DIAPH2: variants seen among roughly 807,000 people sequenced by gnomAD.
DIAPH2 encodes protein diaphanous homolog 2.
DIAPH2 carries 35 observed loss-of-function variants against 92.7 expected under a neutral mutation model. The ratio of observed to expected loss-of-function variants is 0.38; its 90% CI spans 0.29 to 0.50. The LOEUF is 0.50. DIAPH2 is among the 20% of genes least tolerant of loss of function. The probability of loss-of-function intolerance (pLI) is 0.94; values close to 1 mark genes in which losing one functional copy is unlikely to be tolerated. For missense variants in DIAPH2, 701 were observed against 819.5 expected, an observed-to-expected ratio of 0.86 and a Z score of 1.77; for synonymous variants, 301 against 280.4, an observed-to-expected ratio of 1.07 and a Z score of -0.73.
At chrX:96,697,430 G>C (rs975400683) in intron 1 of DIAPH2, among the ~76,000 whole-genome samples, 2 of 109,644 alleles carry the variant, frequency 1.8e-5, no homozygotes, top group African/African-American at 6.7e-5. Context: ...TGGATCACCA[G>C]AGGTCAGGAG....
chrX:96,783,112 T>A (rs1259672859), intron 4 of DIAPH2, among the ~76,000 whole-genome samples: 2 of 111,676 alleles, frequency 1.8e-5, no homozygotes, highest in Non-Finnish European at 3.8e-5. Flanking sequence ...CCAGAACAGA[T>A]ACCACTTTAC....
At chrX:97,084,849 T>G (rs892548908) in intron 19 of DIAPH2, among the ~76,000 whole-genome samples, 1 of 111,668 alleles carries the variant, frequency 9.0e-6, no homozygotes, top group African/African-American at 3.2e-5. Flanking sequence ...CCTTTTAATA[T>G]TTATACATAT....
chrX:96,903,561 T>G (rs2065413383), intron 5 of DIAPH2, among the ~76,000 whole-genome samples: 1 of 112,386 alleles, frequency 8.9e-6, no homozygotes, highest in South Asian at 3.7e-4. Flanking sequence ...TTATATCTAC[T>G]ATTTCAAACA....
At chrX:97,047,865 G>A (rs185925623) in intron 17 of DIAPH2, among the ~76,000 whole-genome samples, 269 of 109,775 alleles carry the variant, frequency 2.5e-3, no homozygotes, top group African/African-American at 8.7e-3. Context: ...ATATTATGTG[G>A]TATATATCTC....
chrX:96,787,686 CTTTTTTTTTTTTTT>C (rs56998803), intron 4 of DIAPH2, among the ~76,000 whole-genome samples: 1 of 54,737 alleles, frequency 1.8e-5, no homozygotes, highest in Non-Finnish European at 3.0e-5. Flanking sequence ...ACTCTTTTCT[CTTTTTTTTTTTTTT>C]TTTTTTTTGA....
At chrX:97,448,430 T>C (rs2070330804) in intron 26 of DIAPH2, among the ~76,000 whole-genome samples, 1 of 112,008 alleles carries the variant, frequency 8.9e-6, no homozygotes, top group Admixed American at 9.5e-5. Context: ...TCTTAATAGC[T>C]AATTGAAACA....
chrX:97,011,386 A>G (rs764078265), intron 17 of DIAPH2, among the ~76,000 whole-genome samples: 1 of 112,037 alleles, frequency 8.9e-6, no homozygotes, highest in South Asian at 3.7e-4. Context: ...GGCTGGGCTA[A>G]GACAATGAAT....
At chrX:97,476,874 G>T (rs1394486817) in intron 26 of DIAPH2, among the ~76,000 whole-genome samples, 3 of 98,357 alleles carry the variant, frequency 3.1e-5, no homozygotes, top group Non-Finnish European at 6.1e-5. Flanking sequence ...AAGCCGGGAG[G>T]TGGAGGTTGT....
rs1569436726 is a variant in DIAPH2 at position 96,962,472 on chromosome X, TATATATACACACACACACACACAC to T, written c.1936-2613_1936-2590del. Reference sequence around the variant, plus strand: ...ATACACACACATATATATATACATATATATATACACACACACACACACACATATATATATATATATATATATATA... The same window carrying T: ...ATACACACACATATATATATACATATATATATATATATATATATATATATA... On this transcript the variant is annotated intron_variant, in intron 16 of 26. Transcript: ENST00000324765. Among the ~76,000 whole-genome samples the T allele has an allele frequency of 1.4e-3, 37 of 26,382 alleles. 2 individuals are homozygous for T. Among genetic ancestry groups the T allele is most frequent in the African/African-American group, 3.9e-3 (37 of 9,399 alleles). 22.9% of individuals were successfully genotyped at this position (26,382 alleles called of 115,157 possible). A position where few individuals can be genotyped will look rare whatever the true frequency, so the allele number is the denominator to read the frequency against.
chrX:96,995,329 T>C (rs937963613), intron 17 of DIAPH2, among the ~76,000 whole-genome samples: 4 of 111,740 alleles, frequency 3.6e-5, no homozygotes, highest in African/African-American at 1.3e-4. Context: ...TTGATGTCAG[T>C]CATTGAGATA....
chrX:97,361,203 T>C (rs764899580), intron 24 of DIAPH2, among the ~76,000 whole-genome samples: 1 of 111,005 alleles, frequency 9.0e-6, no homozygotes, highest in South Asian at 3.8e-4. Flanking sequence ...GAAGCATTTT[T>C]TAATACATCC....
chrX:97,432,135 C>A (rs758235865), intron 26 of DIAPH2, among the ~76,000 whole-genome samples: 12 of 111,423 alleles, frequency 1.1e-4, no homozygotes, highest in Middle Eastern at 4.6e-3. Flanking sequence ...AAGGAAAATC[C>A]AAAAAACACT....
intron 23 of DIAPH2, among the ~76,000 whole-genome samples, chrX:97,322,365 T>C (rs1316241866): frequency 9.0e-6 from 1 of 111,728 alleles, no homozygotes; most frequent in Non-Finnish European, 1.9e-5. Flanking sequence ...AGAAATCAAA[T>C]ATATTTTGCG....
intron 17 of DIAPH2, among the ~76,000 whole-genome samples, chrX:97,010,112 A>C (rs769074609): frequency 5.3e-5 from 6 of 112,258 alleles, no homozygotes; most frequent in African/African-American, 1.9e-4. Flanking sequence ...TGAATCAGGT[A>C]CAAATTGCTG....
chrX:97,423,521 G>C (rs746752339), intron 25 of DIAPH2, among the ~76,000 whole-genome samples: 89 of 111,886 alleles, frequency 8.0e-4, no homozygotes, highest in African/African-American at 2.8e-3. Flanking sequence ...AAATTAAGCA[G>C]CAGGCATTCG....
chrX:96,774,115 A>G (rs1316808945), intron 4 of DIAPH2, among the ~76,000 whole-genome samples: 1 of 111,398 alleles, frequency 9.0e-6, no homozygotes, highest in Non-Finnish European at 1.9e-5. Flanking sequence ...AAGAATTATC[A>G]CCCCCATTTT....
chrX:97,250,985 T>C (rs2068184159), intron 23 of DIAPH2, among the ~76,000 whole-genome samples: 1 of 111,662 alleles, frequency 9.0e-6, no homozygotes, highest in South Asian at 3.8e-4. Context: ...GAATGGAGTT[T>C]CCAAGGCTAT....
intron 24 of DIAPH2, among the ~76,000 whole-genome samples, chrX:97,372,168 C>T (rs1431731842): frequency 1.8e-5 from 2 of 112,446 alleles, no homozygotes; most frequent in Non-Finnish European, 3.8e-5. Flanking sequence ...TTTCCCCCAA[C>T]TTCAGATCAC....
intron 4 of DIAPH2, among the ~76,000 whole-genome samples, chrX:96,879,701 C>A (rs918571717): frequency 2.7e-5 from 3 of 110,319 alleles, no homozygotes; most frequent in Admixed American, 9.7e-5. Flanking sequence ...CTTACTGTGC[C>A]ATTTAGGTGA....
Sources: allele counts gnomAD v4.1 joint callset (sites outside exome capture counted in the v4.1 genomes callset), GRCh38; gene constraint gnomAD v4.1.1; transcripts MANE v1.5; gene names NCBI Gene and HGNC (gene_info 2026-07-23, HGNC 2026-07-21).